ARL15: variants seen among roughly 807,000 people sequenced by gnomAD.
ARL15 encodes the protein ARF like GTPase 15.
Under a neutral mutation model 25.2 loss-of-function variants are expected in ARL15, and 19 were observed. The ratio of observed to expected loss-of-function variants is 0.75; its 90% confidence interval spans 0.53 to 1.10. The LOEUF (loss-of-function observed/expected upper bound fraction) is 1.10. ARL15 is among the 50% of genes least tolerant of loss of function. The pLI is 0.00. For synonymous variants in ARL15, 94 were observed against 86.8 expected, an observed-to-expected ratio of 1.08 and a Z score of -0.46; for missense variants, 220 against 246.0, an observed-to-expected ratio of 0.89 and a Z score of 0.71.
At chr5:54,296,635 G>A (rs181560404) in intron 1 of ARL15, among the ~76,000 whole-genome samples, 106 of 152,354 alleles carry the variant, frequency 7.0e-4, no homozygotes, top group Non-Finnish European at 8.5e-4. Flanking sequence ...ACAAAGGCCC[G>A]AGGCTGGGTT....
At position 54,084,277 on chromosome 5, in the gene ARL15, G is replaced by A. The variant is rs114329770; in HGVS notation, c.462+28925C>T. Reference sequence around the variant, plus strand: ...ACACCGTATGCTTCAGAATAGGAGCGGATTCTCAGTCCACAGATGGTTCCT... The same window carrying A: ...ACACCGTATGCTTCAGAATAGGAGCAGATTCTCAGTCCACAGATGGTTCCT... On this transcript the variant is annotated intron_variant, in intron 4 of 4. Coordinates refer to ENST00000504924, the MANE Select transcript of ARL15 (RefSeq NM_019087.3). Among the ~76,000 whole-genome samples, 1,182 of 152,140 alleles carry A rather than the reference G, an allele frequency of 7.8e-3. 7 individuals carry two copies. Among genetic ancestry groups the A allele is most frequent in the Non-Finnish European group, 0.012 (809 of 67,992 alleles).
At chr5:53,903,695 C>T (rs891103485) in intron 4 of ARL15, among the ~76,000 whole-genome samples, 1 of 152,192 alleles carries the variant, frequency 6.6e-6, no homozygotes, top group African/African-American at 2.4e-5. Flanking sequence ...ACCAGGAGCT[C>T]CGTCCAGGAG....
intron 1 of ARL15, among the ~76,000 whole-genome samples, chr5:54,299,221 C>T (rs16882639): frequency 0.022 from 3,415 of 152,238 alleles, 132 homozygotes; most frequent in African/African-American, 0.077. Context: ...CTCTTTGGTT[C>T]CTTTACTTTT....
chr5:54,224,300 G>A (rs1756459458), intron 1 of ARL15, among the ~76,000 whole-genome samples: 1 of 152,162 alleles, frequency 6.6e-6, no homozygotes, highest in South Asian at 2.1e-4. Context: ...ATGAGACAAG[G>A]ATGACAAGGC....
At chr5:54,031,728 T>C (rs1257863810) in intron 4 of ARL15, among the ~76,000 whole-genome samples, 1 of 152,148 alleles carries the variant, frequency 6.6e-6, no homozygotes, top group African/African-American at 2.4e-5. Flanking sequence ...GTCTTTGTTG[T>C]CTAAAAAATA....
At chr5:54,032,515 G>A (rs1209833672) in intron 4 of ARL15, among the ~76,000 whole-genome samples, 5 of 152,082 alleles carry the variant, frequency 3.3e-5, no homozygotes, top group South Asian at 2.1e-4. Flanking sequence ...GATTACAGGC[G>A]TGAGCCACTG....
chr5:53,919,805 T>C (rs61527738), intron 4 of ARL15, among the ~76,000 whole-genome samples: 15,050 of 152,188 alleles, frequency 0.099, 883 homozygotes, highest in East Asian at 0.27. Context: ...ACCAGTGACA[T>C]TGGTGTTTGA....
At chr5:54,154,270 T>A (rs1367156508) in intron 3 of ARL15, 4 of 221,092 alleles carry the variant, frequency 1.8e-5, no homozygotes, top group Non-Finnish European at 2.6e-5. Flanking sequence ...TCAATGATAT[T>A]AAAATTCTCT....
intron 3 of ARL15, among the ~76,000 whole-genome samples, chr5:54,138,511 A>C (rs948295075): frequency 6.6e-6 from 1 of 152,176 alleles, no homozygotes; most frequent in Non-Finnish European, 1.5e-5. Flanking sequence ...CACTTACACA[A>C]AAATCAACCC....
chr5:53,893,507 C>T (rs2111907097), intron 4 of ARL15, among the ~76,000 whole-genome samples: 1 of 152,226 alleles, frequency 6.6e-6, no homozygotes, highest in Non-Finnish European at 1.5e-5. Context: ...CCTCGGGAGG[C>T]TGAGGCAGGA....
Position 53,904,770 on chromosome 5 carries a change from C to A in ARL15, c.463-18057G>T, listed in dbSNP as rs185865034. ...TTTTTTTTTTTTGAGACAGTCTCAC[C>A]CAGGCTGGAGTGCAGTGGCACACTC... On this transcript the variant is annotated intron_variant, in intron 4 of 4. Coordinates refer to ENST00000504924, the MANE Select transcript of ARL15 (RefSeq NM_019087.3). Among the ~76,000 whole-genome samples the A allele has an allele frequency of 3.6e-3, 526 of 147,574 alleles. 4 individuals are homozygous for A. The highest frequency in any genetic ancestry group is 3.6e-3 in the Non-Finnish European group (244 of 67,398).
chr5:53,905,916 T>A (rs1445821489), intron 4 of ARL15, among the ~76,000 whole-genome samples: 3 of 152,180 alleles, frequency 2.0e-5, no homozygotes, highest in Non-Finnish European at 2.9e-5. Flanking sequence ...ACATTTAGCA[T>A]AAGGACACTT....
At chr5:54,106,652 T>C (rs545786684) in intron 4 of ARL15, among the ~76,000 whole-genome samples, 4 of 152,246 alleles carry the variant, frequency 2.6e-5, no homozygotes, top group South Asian at 2.1e-4. Flanking sequence ...TATTGACAAA[T>C]AGACTATACG....
At chr5:53,940,072 T>G (rs1013435798) in intron 4 of ARL15, among the ~76,000 whole-genome samples, 2 of 151,166 alleles carry the variant, frequency 1.3e-5, no homozygotes, top group African/African-American at 2.4e-5. Flanking sequence ...TCCGCCTCCC[T>G]GGTTCACGCC....
chr5:54,278,285 T>C (rs967362809), intron 1 of ARL15, among the ~76,000 whole-genome samples: 7 of 152,210 alleles, frequency 4.6e-5, no homozygotes, highest in African/African-American at 1.7e-4. Flanking sequence ...CCATGCCTGA[T>C]GGTAGAAGGT....
At chr5:53,931,640 T>C (rs1343820055) in intron 4 of ARL15, among the ~76,000 whole-genome samples, 1 of 152,218 alleles carries the variant, frequency 6.6e-6, no homozygotes, top group African/African-American at 2.4e-5. Flanking sequence ...TTTCTTCCAC[T>C]ATTTACCATA....
intron 4 of ARL15, among the ~76,000 whole-genome samples, chr5:54,082,313 T>C (rs955622495): frequency 1.3e-5 from 2 of 152,198 alleles, no homozygotes; most frequent in African/African-American, 2.4e-5. Flanking sequence ...GAAAGAAAAC[T>C]ACAGCATGAA....
At chr5:54,109,237 ACT>A (rs536233207) in intron 4 of ARL15, among the ~76,000 whole-genome samples, 3 of 151,794 alleles carry the variant, frequency 2.0e-5, no homozygotes, top group African/African-American at 7.2e-5. Context: ...CTGCCTCAAA[ACT>A]CTGTTTCACA....
rs545441197 is a variant in ARL15 at position 54,121,655 on chromosome 5, T to C, written c.254-8245A>G. On this transcript the variant is annotated intron_variant, in intron 3 of 4. Coordinates refer to ENST00000504924, the MANE Select transcript of ARL15 (RefSeq NM_019087.3). ...TTTTCCTTGAAAACAAAGCAGTGAA[T>C]CTCAGGAGTGAGATTCAGCCCTGAA... is the stretch of plus-strand genomic sequence containing the variant. Among the ~76,000 whole-genome samples, 13 of 152,138 alleles carry C rather than the reference T, an allele frequency of 8.5e-5. No homozygotes were observed. In the South Asian group the frequency reaches 2.7e-3, roughly 32 times the overall value.
Sources: gnomAD v4.1 joint callset for allele counts (sites outside exome capture counted in the v4.1 genomes callset) on GRCh38, gnomAD v4.1.1 for gene constraint, MANE v1.5 for transcripts, NCBI Gene and HGNC (gene_info 2026-07-23, HGNC 2026-07-21) for gene names.